BRINP3: variants seen among roughly 807,000 people sequenced by gnomAD.
The protein encoded by BRINP3 is BMP/retinoic acid inducible neural specific 3.
BRINP3 carries 19 observed loss-of-function variants against 71.0 expected under a neutral mutation model. The ratio of observed to expected loss-of-function variants is 0.27; its 90% CI spans 0.19 to 0.39. The LOEUF (loss-of-function observed/expected upper bound fraction) is 0.39, where lower values mean the gene tolerates loss of function less well. Among genes scored for constraint, BRINP3 ranks in the 10% least tolerant of loss-of-function variants. The probability of loss-of-function intolerance (pLI) is 1.00; values close to 1 mark genes in which losing one functional copy is unlikely to be tolerated. For missense variants in BRINP3, 959 were observed against 940.8 expected (o/e 1.02, Z -0.25); for synonymous variants, 380 against 337.7 (o/e 1.13, Z -1.37).
intron 2 of BRINP3, among the ~76,000 whole-genome samples, chr1:190,379,997 CAAAAA>C (rs34329313): frequency 2.0e-5 from 2 of 100,904 alleles, no homozygotes; most frequent in Non-Finnish European, 1.9e-5. Context: ...GACTCCACCT[CAAAAA>C]AAAAAAAAAA....
chr1:190,288,717 G>T (rs1663624388), intron 2 of BRINP3, among the ~76,000 whole-genome samples: 2 of 151,786 alleles, frequency 1.3e-5, no homozygotes, highest in Admixed American at 6.6e-5. Flanking sequence ...GGTTTTTTGT[G>T]CCAGGATGTT....
chr1:190,106,646 A>G (rs1652192961), intron 7 of BRINP3, among the ~76,000 whole-genome samples: 1 of 151,544 alleles, frequency 6.6e-6, no homozygotes, highest in Admixed American at 6.6e-5. Context: ...GTTGTAAAGG[A>G]TTTTTAAAAA....
chr1:190,129,150 C>T (rs1654326023), intron 7 of BRINP3, among the ~76,000 whole-genome samples: 1 of 151,740 alleles, frequency 6.6e-6, no homozygotes, highest in African/African-American at 2.4e-5. Flanking sequence ...TTACACAAAA[C>T]CACTCAGTTA....
At chr1:190,360,035 T>C (rs1669031852) in intron 2 of BRINP3, among the ~76,000 whole-genome samples, 1 of 152,178 alleles carries the variant, frequency 6.6e-6, no homozygotes, top group Non-Finnish European at 1.5e-5. Context: ...AAGGATTAAA[T>C]TTGAAAAAGG....
At chr1:190,126,880 A>T (rs1466709059) in intron 7 of BRINP3, among the ~76,000 whole-genome samples, 2 of 151,876 alleles carry the variant, frequency 1.3e-5, no homozygotes, top group African/African-American at 4.8e-5. Flanking sequence ...TCAAATTCAA[A>T]CATGGATATA....
intron 2 of BRINP3, among the ~76,000 whole-genome samples, chr1:190,391,328 T>G (rs973884988): frequency 2.0e-5 from 3 of 151,788 alleles, no homozygotes; most frequent in African/African-American, 7.2e-5. Flanking sequence ...TATGGGTTAC[T>G]CATTTATAAA....
intron 1 of BRINP3, among the ~76,000 whole-genome samples, chr1:190,462,497 A>G (rs1381648927): frequency 6.6e-6 from 1 of 152,154 alleles, no homozygotes; most frequent in Non-Finnish European, 1.5e-5. Flanking sequence ...GGAATTGAAT[A>G]GCCTGTTCCT....
At chr1:190,338,607 A>T (rs1558194527) in intron 2 of BRINP3, among the ~76,000 whole-genome samples, 1 of 152,034 alleles carries the variant, frequency 6.6e-6, no homozygotes, top group Non-Finnish European at 1.5e-5. Flanking sequence ...GTTAAACGGA[A>T]ATACACTGAA....
chr1:190,149,196 T>A (rs1656171553), intron 7 of BRINP3, among the ~76,000 whole-genome samples: 1 of 152,232 alleles, frequency 6.6e-6, no homozygotes, highest in Non-Finnish European at 1.5e-5. Flanking sequence ...ATGACAGTTG[T>A]CACTAGTGAG....
At chr1:190,166,816 A>T (rs1651584561) in intron 6 of BRINP3, among the ~76,000 whole-genome samples, 1 of 151,868 alleles carries the variant, frequency 6.6e-6, no homozygotes, top group Non-Finnish European at 1.5e-5. Flanking sequence ...CTCCACCCCC[A>T]GGGTTCAAGC....
rs117833013 is a variant in BRINP3 at position 190,211,035 on chromosome 1, C to T, written c.961+15047G>A. ...TGCCAGGGGCTCTCGGGCCTTTGGC[C>T]ACACTGAAGGCTACACTGTCAGCTT... On this transcript the variant is annotated intron_variant, in intron 6 of 7. Transcript: ENST00000367462. Among the ~76,000 whole-genome samples the T allele has an allele frequency of 1.5e-3, 221 of 152,148 alleles. 6 individuals carry two copies. In the East Asian group the frequency reaches 0.042, roughly 29 times the overall value.
intron 2 of BRINP3, among the ~76,000 whole-genome samples, chr1:190,431,273 T>C (rs1320069916): frequency 1.3e-5 from 2 of 152,120 alleles, no homozygotes; most frequent in Non-Finnish European, 2.9e-5. Flanking sequence ...CACCCTCAAA[T>C]ATTTGTATGC....
At chr1:190,302,619 TC>T (rs1037062340) in intron 2 of BRINP3, 13 of 151,890 alleles carry the variant, frequency 8.6e-5, no homozygotes, top group African/African-American at 1.7e-4. Context: ...TCCTTAAAAA[TC>T]CCCTCATAAA....
In BRINP3 at chr1:190,396,712, T is replaced by TTATATATATATATATATATATA. The variant is rs1558249085; in HGVS notation, c.236+57942_236+57943insTATATATATATATATATATATA. 6.8e-4 allele frequency among the ~76,000 whole-genome samples: 26 copies of TTATATATATATATATATATATA among 38,300 alleles called. 1 individual carries two copies. Among genetic ancestry groups the TTATATATATATATATATATATA allele is most frequent in the African/African-American group, 2.0e-3 (21 of 10,304 alleles). The allele number at this position is 38,300 out of a possible 152,430, so 25.1% of individuals were successfully genotyped here. A position where few individuals can be genotyped will look rare whatever the true frequency, so the allele number is the denominator to read the frequency against. On this transcript the variant is annotated intron_variant, in intron 2 of 7. Transcript: ENST00000367462. ...AACGCACTATGCATTCCTAATTTAA[T>TTATATATATATATATATATATA]GATATATATATATATATATATATAT...
intron 6 of BRINP3, among the ~76,000 whole-genome samples, chr1:190,178,971 G>C (rs944923035): frequency 2.0e-5 from 3 of 152,110 alleles, no homozygotes; most frequent in African/African-American, 7.2e-5. Flanking sequence ...TCTAAACTGA[G>C]CAGACATCAG....
At chr1:190,327,263 C>G in intron 2 of BRINP3, among the ~76,000 whole-genome samples, 1 of 118,936 alleles carries the variant, frequency 8.4e-6, no homozygotes, top group Non-Finnish European at 1.6e-5. Context: ...TGCAGGGAGT[C>G]AAGATCACGC....
At chr1:190,172,665 G>GA (rs1306019100) in intron 6 of BRINP3, among the ~76,000 whole-genome samples, 2 of 152,094 alleles carry the variant, frequency 1.3e-5, no homozygotes, top group African/African-American at 4.8e-5. Flanking sequence ...TCCTCCTTGG[G>GA]AAATTCCAGT....
chr1:190,185,114 T>A (rs911966110), intron 6 of BRINP3, among the ~76,000 whole-genome samples: 61 of 152,110 alleles, frequency 4.0e-4, no homozygotes, highest in African/African-American at 1.3e-3. Context: ...TAGGACTGCA[T>A]CAAATTAAAC....
chr1:190,468,877 G>A (rs542165598), intron 1 of BRINP3, among the ~76,000 whole-genome samples: 2 of 150,398 alleles, frequency 1.3e-5, no homozygotes, highest in African/African-American at 4.8e-5. Context: ...TTTTTTTCAG[G>A]AGACCCTTTT....
Sources: allele counts gnomAD v4.1 joint callset (sites outside exome capture counted in the v4.1 genomes callset), GRCh38; gene constraint gnomAD v4.1.1; transcripts MANE v1.5; gene names NCBI Gene and HGNC (gene_info 2026-07-23, HGNC 2026-07-21).